MMP3: variants seen among roughly 807,000 people sequenced by gnomAD.
MMP3 encodes matrix metallopeptidase 3.
In MMP3, 46 loss-of-function variants were observed where a neutral mutation model predicts 47.3. That is an observed-to-expected ratio of 0.97 (90% CI 0.77 to 1.24). MMP3 has a LOEUF of 1.24. Among genes scored for constraint, MMP3 ranks in the 50% most tolerant of loss-of-function variants. The probability of loss-of-function intolerance (pLI) is 0.00; values close to 1 mark genes in which losing one functional copy is unlikely to be tolerated. For missense variants in MMP3, 558 were observed against 565.5 expected (o/e 0.99, Z 0.13); for synonymous variants, 216 against 206.5 (o/e 1.05, Z -0.39).
rs202121594 is a variant in MMP3, at chr11:102,842,828, C to T, written c.194G>A (p.Arg65Gln). Residue 65 changes from arginine (R) to glutamine (Q), a missense_variant, in exon 2 of 10, where the codon CGA becomes CAA. Arg to Gln is a conservative substitution (Grantham distance 43). Transcript: ENST00000299855. ...CAATCCAAGGAACTTCTGCATTTCT[C>T]GGATTTTTTTAACAACAGGACCACT... ...KDSGPVVKKI[R>Q]EMQKFLGLEV... 41 of 1,613,814 alleles carry T rather than the reference C, an allele frequency of 2.5e-5. No homozygotes were observed. Among genetic ancestry groups the T allele is most frequent in the South Asian group, 5.5e-5 (5 of 91,064 alleles).
At chr11:102,842,962 T>C (rs781937121) in intron 1 of MMP3, 46 bp from the exon 2 acceptor site, 39 of 1,453,768 alleles carry the variant, frequency 2.7e-5, no homozygotes, top group Admixed American at 4.6e-5. Context: ...CAATTTTTAC[T>C]ATAGCTATCT....
rs577011355 is a variant in MMP3 at position 102,842,881 on chromosome 11, A to G, written c.141T>C (p.Asp47=). The part of the protein sequence containing the change: ...YLENYYDLKK[D]VKQFVRRKDS... ...CCTTTCTCCTAACAAACTGTTTCAC[A>G]TCTTTTTTGAGGTCGTAGTAGTTTT... is the stretch of plus-strand genomic sequence containing the variant. The change falls in exon 2 of 10, where the codon GAT becomes GAC. Residue 47 remains aspartate (D), a synonymous_variant. Transcript: ENST00000299855. The G allele has an allele frequency of 8.6e-5, 139 of 1,612,180 alleles. 1 individual carries two copies. In the South Asian group the frequency reaches 1.5e-3, roughly 17 times the overall value.
chr11:102,840,663 C>T, intron 4 of MMP3, 70 bp from the exon 5 acceptor site: 1 of 1,513,390 alleles, frequency 6.6e-7, no homozygotes, highest in South Asian at 1.3e-5. Flanking sequence ...GTCTGCTGTG[C>T]ATTGTATTGG....
chr11:102,836,124 T>C lies in MMP3; in HGVS notation c.*2A>G. The C allele has an allele frequency of 3.1e-6, 5 of 1,611,318 alleles. No homozygotes were observed. Among genetic ancestry groups the C allele is most frequent in the Non-Finnish European group, 4.2e-6 (5 of 1,177,546 alleles). ...CCATATTGTGCCTTCTACATATCTC[T>C]TTCAACAATTAAGCCAGCTGTTACT... On this transcript the variant is annotated 3_prime_UTR_variant, in exon 10 of 10. Transcript: ENST00000299855. This position sits in a 1 kb window ranked among gnomAD's most constrained non-coding sequence, Gnocchi z 4.6.
At chr11:102,842,968 T>C in intron 1 of MMP3, 52 bp from the exon 2 acceptor site, 1 of 1,432,324 alleles carries the variant, frequency 7.0e-7, no homozygotes, top group Non-Finnish European at 9.4e-7. Context: ...TTACTATAGC[T>C]ATCTATTTAT....
At chr11:102,842,396 T>C in intron 3 of MMP3, 35 bp downstream of exon 3, 1 of 1,357,508 alleles carries the variant, frequency 7.4e-7, no homozygotes, top group Non-Finnish European at 9.6e-7. Context: ...TTGTTTTGTT[T>C]TGTTTTGCTT....
chr11:102,840,119 G>T lies in MMP3; in HGVS notation c.924C>A (p.Ile308=), dbSNP rs782170628. 4 of 1,612,842 alleles carry T rather than the reference G, an allele frequency of 2.5e-6. No homozygotes were observed. Among genetic ancestry groups the T allele is most frequent in the Non-Finnish European group, 3.4e-6 (4 of 1,179,700 alleles). The change falls in exon 6 of 10, where the codon ATC becomes ATA. Residue 308 remains isoleucine (I), a synonymous_variant. Coordinates refer to ENST00000299855, the MANE Select transcript of MMP3 (RefSeq NM_002422.5). ...AVSTLRGEIL[I]FKDRHFWRKS... ...TTTTTCAGCCTGACCTGTCTTTAAA[G>T]ATCAGGATTTCTCCCCTCAGAGTGC...
At chr11:102,843,356 A>G in intron 1 of MMP3, 86 bp downstream of exon 1, 1 of 908,316 alleles carries the variant, frequency 1.1e-6, no homozygotes, top group Non-Finnish European at 1.8e-6. Flanking sequence ...AAGCTCAAGC[A>G]TTCTATGTGG....
In MMP3 at chr11:102,837,914, T is replaced by A. The variant is rs1555004835; in HGVS notation, c.1230-513A>T. ...CTGGATATCAGATGGTCGGCCTCGA[T>A]GTCTCAAAGTCTGGCCAAATGACCC... On this transcript the variant is annotated intron_variant, in intron 8 of 9. Transcript: ENST00000299855. This position sits in a 1 kb window ranked among gnomAD's most constrained non-coding sequence, Gnocchi z 4.4. Among the ~76,000 whole-genome samples, 3 of 152,194 alleles carry A rather than the reference T, an allele frequency of 2.0e-5. No individual in the cohort carries two copies. The highest frequency in any genetic ancestry group is 7.2e-5 in the African/African-American group (3 of 41,470).
At position 102,836,176 on chromosome 11, in the gene MMP3, C is replaced by T; in HGVS notation, c.1384G>A (p.Ala462Thr). The T allele has an allele frequency of 2.5e-6, 4 of 1,613,954 alleles. No homozygotes were observed. The highest frequency in any genetic ancestry group is 3.4e-6 in the Non-Finnish European group (4 of 1,179,908). Residue 462 changes from alanine (A) to threonine (T), a missense_variant, in exon 10 of 10, where the codon GCA becomes ACA. Physicochemically the swap from Ala to Thr is moderately conservative, Grantham distance 58 (BLOSUM62 0). Coordinates refer to ENST00000299855, the MANE Select transcript of MMP3 (RefSeq NM_002422.5). The surrounding 1 kb of genome is among the most constrained non-coding windows in gnomAD (Gnocchi z 4.6). ...GSSQLEFDPN[A>T]KKVTHTLKSN... Reference sequence around the variant, plus strand: ...TTCAAAGTGTGTGTCACTTTCTTTGCATTTGGGTCAAACTCCAACTGTGAA... The same window carrying T: ...TTCAAAGTGTGTGTCACTTTCTTTGTATTTGGGTCAAACTCCAACTGTGAA...
Position 102,838,659 on chromosome 11 carries a change from C to A in MMP3, c.1121G>T (p.Arg374Ile), listed in dbSNP as rs1284957979. ...AGGGAAACCTAGGGTGTGGATGCCT[C>A]TTGGGTATCCAGCTCGTACCTCATT... The part of the protein sequence containing the change: ...RGNEVRAGYP[R>I]GIHTLGFPPT... Residue 374 changes from arginine (R) to isoleucine (I), a missense_variant, in exon 8 of 10, where the codon AGA becomes ATA. By Grantham distance (97) the Arg-to-Ile change is moderately conservative. Coordinates refer to ENST00000299855, the MANE Select transcript of MMP3 (RefSeq NM_002422.5). 1 of 1,613,078 alleles carries A rather than the reference C, an allele frequency of 6.2e-7. No homozygotes were observed. Among genetic ancestry groups the A allele is most frequent in the Non-Finnish European group, 8.5e-7 (1 of 1,179,764 alleles).
Position 102,842,445 on chromosome 11 carries a change from G to C in MMP3, c.485C>G (p.Ser162Cys), listed in dbSNP as rs1859021199. ...TTTTTTTTTACCTCTAACTGCAAAA[G>C]AGATCATTATATCAGCCTCTCCTTC... is the stretch of plus-strand genomic sequence containing the variant. The part of the protein sequence containing the change: ...LYEGEADIMI[S>C]FAVREHGDFY... Residue 162 changes from serine to cysteine, a missense_variant, in exon 3 of 10, where the codon TCT becomes TGT. Physicochemically the swap from Ser to Cys is moderately radical, Grantham distance 112. Transcript: ENST00000299855. The C allele has an allele frequency of 1.5e-6, 1 of 645,658 alleles. No individual in the cohort carries two copies. Among genetic ancestry groups the C allele is most frequent in the African/African-American group, 2.6e-5 (1 of 38,802 alleles). The allele number at this position is 645,658 out of a possible 1,614,324, so 40.0% of individuals were successfully genotyped here.
At position 102,835,960 on chromosome 11, in the gene MMP3, A is replaced by C; in HGVS notation, c.*166T>G. On this transcript the variant is annotated 3_prime_UTR_variant, in exon 10 of 10. Coordinates refer to ENST00000299855, the MANE Select transcript of MMP3 (RefSeq NM_002422.5). ...CAGCCCATTTGAATGCCCTGTAATA[A>C]CATAAAAATGACCGGCAAGATACAG... is the stretch of plus-strand genomic sequence containing the variant. The C allele has an allele frequency of 1.7e-6, 1 of 587,830 alleles. No homozygotes were observed. The highest frequency in any genetic ancestry group is 3.1e-6 in the Non-Finnish European group (1 of 325,402). 36.4% of individuals were successfully genotyped at this position (587,830 alleles called of 1,614,324 possible). A position where few individuals can be genotyped will look rare whatever the true frequency, so the allele number is the denominator to read the frequency against.
rs11418340 is a variant in MMP3 at position 102,842,404 on chromosome 11, CTTTTTTTTTT to C, written c.499+17_499+26del. ...GTGTTTTTTGTTTTGTTTTGTTTTG[CTTTTTTTTTT>C]TTTTTTTTTTTTTTACCTCTAACTG... On this transcript the variant is annotated intron_variant, in intron 3 of 9. Transcript: ENST00000299855. The C allele has an allele frequency of 3.0e-5, 24 of 810,666 alleles. No individual in the cohort carries two copies. Among genetic ancestry groups the C allele is most frequent in the East Asian group, 4.5e-5 (1 of 22,368 alleles). 50.2% of individuals were successfully genotyped at this position (810,666 alleles called of 1,614,324 possible).
In MMP3 at chr11:102,842,926, T is replaced by G. The variant is rs1555005844; in HGVS notation, c.106-10A>C. On this transcript the variant is annotated splice_polypyrimidine_tract_variant and intron_variant, in intron 1 of 9. Transcript: ENST00000299855. ...AGTTTTCTAGATATTTCTAACAGAA[T>G]AAGTATAGTTTTTAGGTCACTCTTA... is the stretch of plus-strand genomic sequence containing the variant. 6.3e-7 allele frequency: 1 copy of G among 1,584,672 alleles called. No individual in the cohort carries two copies. Among genetic ancestry groups the G allele is most frequent in the African/African-American group, 1.4e-5 (1 of 73,776 alleles).
chr11:102,839,345 TC>T, intron 6 of MMP3, 102 bp from the exon 7 acceptor site: 1 of 1,335,278 alleles, frequency 7.5e-7, no homozygotes, highest in Non-Finnish European at 1.1e-6. Context: ...CATTCTCTCA[TC>T]TTCTAGGCTG....
rs1858905393 is a variant in MMP3 at position 102,837,559 on chromosome 11, G to T, written c.1230-158C>A. ...GACTATAGAAATATGTGACTTTAATGGTACTGTAAAGAGTTCTGAAAGCCA... is the reference window on the plus strand; with the variant it reads ...GACTATAGAAATATGTGACTTTAATTGTACTGTAAAGAGTTCTGAAAGCCA... On this transcript the variant is annotated intron_variant, in intron 8 of 9. Transcript: ENST00000299855. This position sits in a 1 kb window ranked among gnomAD's most constrained non-coding sequence, Gnocchi z 4.4. Among the ~76,000 whole-genome samples the T allele has an allele frequency of 6.6e-6, 1 of 152,072 alleles. No individual in the cohort carries two copies. The highest frequency in any genetic ancestry group is 1.5e-5 in the Non-Finnish European group (1 of 68,022).
chr11:102,842,391 T>C (rs1359647752), intron 3 of MMP3, 40 bp downstream of exon 3: 1 of 1,069,690 alleles, frequency 9.3e-7, no homozygotes, highest in African/African-American at 1.7e-5. Flanking sequence ...GTTTTTTGTT[T>C]TGTTTTGTTT....
At position 102,842,507 on chromosome 11, in the gene MMP3, C is replaced by T. The variant is rs1314407176; in HGVS notation, c.423G>A (p.Trp141Ter). Reference sequence around the variant, plus strand: ...AGAATGTGAGTGGAGTCACCTCTTCCCAGACTTTCAGAGCTTTCTCAACAG... The same window carrying T: ...AGAATGTGAGTGGAGTCACCTCTTCTCAGACTTTCAGAGCTTTCTCAACAG... Reference protein sequence around the residue: ...DSAVEKALKVWEEVTPLTFSR... With the variant: ...DSAVEKALKV Residue 141 changes from tryptophan (W) to a stop codon, truncating the protein, a stop_gained, in exon 3 of 10, where the codon TGG becomes TGA. Coordinates refer to ENST00000299855, the MANE Select transcript of MMP3 (RefSeq NM_002422.5). LOFTEE classifies it high-confidence loss of function. 3 of 1,600,648 alleles carry T rather than the reference C, an allele frequency of 1.9e-6. No homozygotes were observed. Among genetic ancestry groups the T allele is most frequent in the Non-Finnish European group, 2.6e-6 (3 of 1,174,300 alleles).
Sources: allele counts gnomAD v4.1 joint callset (sites outside exome capture counted in the v4.1 genomes callset), GRCh38; gene constraint gnomAD v4.1.1; non-coding constraint Gnocchi (gnomAD v3.1); transcripts MANE v1.5; gene names NCBI Gene and HGNC (gene_info 2026-07-23, HGNC 2026-07-21).